PCSK2: variants seen among roughly 807,000 people sequenced by gnomAD.
PCSK2 encodes neuroendocrine convertase 2.
Under a neutral mutation model 69.7 loss-of-function variants are expected in PCSK2, and 14 were observed. The observed-to-expected ratio is 0.20, with a 90% CI of 0.13 to 0.31. The LOEUF (loss-of-function observed/expected upper bound fraction) is 0.31, where lower values mean the gene tolerates loss of function less well. PCSK2 is among the 10% of genes least tolerant of loss of function. PCSK2 has a pLI of 1.00. For missense variants in PCSK2, 544 were observed against 842.5 expected, an observed-to-expected ratio of 0.65 and a Z score of 4.39; for synonymous variants, 307 against 320.7, an observed-to-expected ratio of 0.96 and a Z score of 0.46.
At chr20:17,255,770 T>C (rs1331199242) in intron 1 of PCSK2, among the ~76,000 whole-genome samples, 2 of 152,228 alleles carry the variant, frequency 1.3e-5, no homozygotes, top group Non-Finnish European at 2.9e-5. Flanking sequence ...TAGTAATTGA[T>C]TTTCAGATGT....
intron 1 of PCSK2, among the ~76,000 whole-genome samples, chr20:17,227,776 G>A (rs1056005362): frequency 2.6e-5 from 4 of 152,300 alleles, no homozygotes; most frequent in South Asian, 2.1e-4. Flanking sequence ...TGCTGTCCGA[G>A]GTACCAAGTT....
At chr20:17,452,081 TGTTG>T (rs2032834876) in intron 8 of PCSK2, among the ~76,000 whole-genome samples, 1 of 152,090 alleles carries the variant, frequency 6.6e-6, no homozygotes, top group African/African-American at 2.4e-5. Flanking sequence ...GGTTTCACCA[TGTTG>T]GCCAGGCTGG....
chr20:17,297,550 C>T (rs960227633), intron 2 of PCSK2, among the ~76,000 whole-genome samples: 6 of 152,220 alleles, frequency 3.9e-5, no homozygotes, highest in African/African-American at 1.4e-4. Flanking sequence ...AGGAGGGGCT[C>T]AGGGGGTTGC....
At chr20:17,347,800 G>GAAAGAAAGA (rs1990691822) in intron 2 of PCSK2, among the ~76,000 whole-genome samples, 1 of 68,820 alleles carries the variant, frequency 1.5e-5, no homozygotes, top group South Asian at 5.1e-4. Context: ...AAGAAAGAAA[G>GAAAGAAAGA]AAAGAAAGAA....
rs1555790633 is a variant in PCSK2, at chr20:17,355,672, C to CAG, written c.283-2654_283-2653insGA. ...GCAAACACACACACACACACACACA[C>CAG]ACAGAGAGAGAGCTATGGGAATATG... On this transcript the variant is annotated intron_variant, in intron 2 of 11. Coordinates refer to ENST00000262545, the MANE Select transcript of PCSK2 (RefSeq NM_002594.5). Among the ~76,000 whole-genome samples the CAG allele has an allele frequency of 1.4e-3, 207 of 151,746 alleles. 3 individuals carry two copies. The East Asian group carries it at 0.033, about 25-fold the overall frequency.
At chr20:17,443,383 T>G (rs2032635591) in intron 8 of PCSK2, among the ~76,000 whole-genome samples, 1 of 152,172 alleles carries the variant, frequency 6.6e-6, no homozygotes, top group Admixed American at 6.5e-5. Context: ...ATGCCTGGTC[T>G]CCTTAAGAAG....
intron 2 of PCSK2, among the ~76,000 whole-genome samples, chr20:17,301,008 A>T (rs1391234708): frequency 6.6e-6 from 1 of 152,244 alleles, no homozygotes; most frequent in East Asian, 1.9e-4. Context: ...GGATGAAAAG[A>T]AACTTAATGA....
chr20:17,232,507 G>T (rs1423890620), intron 1 of PCSK2, among the ~76,000 whole-genome samples: 4 of 152,124 alleles, frequency 2.6e-5, no homozygotes, highest in African/African-American at 9.7e-5. Flanking sequence ...CAGATGCTTT[G>T]TCCTGAAAAG....
At chr20:17,373,625 T>C (rs947446432) in intron 5 of PCSK2, among the ~76,000 whole-genome samples, 5 of 152,188 alleles carry the variant, frequency 3.3e-5, no homozygotes, top group Non-Finnish European at 5.9e-5. Context: ...TCAGTGAGGA[T>C]TGAAAACTCT....
intron 2 of PCSK2, among the ~76,000 whole-genome samples, chr20:17,303,813 G>A (rs1226644648): frequency 4.0e-5 from 6 of 148,526 alleles, no homozygotes; most frequent in Non-Finnish European, 7.4e-5. Context: ...CTGACCTCAG[G>A]TGATCCACCC....
intron 8 of PCSK2, among the ~76,000 whole-genome samples, chr20:17,444,651 A>G (rs1271009649): frequency 6.6e-6 from 1 of 152,198 alleles, no homozygotes; most frequent in Non-Finnish European, 1.5e-5. Context: ...CAAGTAGTTT[A>G]TTGGGAAGGT....
chr20:17,283,487 A>G (rs1988395778), intron 2 of PCSK2, among the ~76,000 whole-genome samples: 1 of 152,210 alleles, frequency 6.6e-6, no homozygotes, highest in South Asian at 2.1e-4. Context: ...TCCAGAAGGA[A>G]CTGTCGAATT....
At chr20:17,402,679 G>T (rs974043880) in intron 5 of PCSK2, among the ~76,000 whole-genome samples, 1 of 131,398 alleles carries the variant, frequency 7.6e-6, no homozygotes, top group Non-Finnish European at 1.6e-5. Context: ...AAAAAAAAAG[G>T]CATGGTGGCT....
intron 5 of PCSK2, among the ~76,000 whole-genome samples, chr20:17,389,394 G>C (rs1277510143): frequency 6.6e-6 from 1 of 152,178 alleles, no homozygotes; most frequent in African/African-American, 2.4e-5. Flanking sequence ...ATATGATATA[G>C]AGTATATGTC....
chr20:17,230,781 A>G (rs1448197372), intron 1 of PCSK2, among the ~76,000 whole-genome samples: 2 of 152,174 alleles, frequency 1.3e-5, no homozygotes, highest in African/African-American at 4.8e-5. Context: ...TTGTTTGTCA[A>G]TTATTTGATT....
intron 1 of PCSK2, among the ~76,000 whole-genome samples, chr20:17,243,479 C>A (rs1213835003): frequency 6.6e-6 from 1 of 152,242 alleles, no homozygotes; most frequent in Non-Finnish European, 1.5e-5. Flanking sequence ...GAATTACAGG[C>A]CACCATACCT....
intron 6 of PCSK2, among the ~76,000 whole-genome samples, chr20:17,421,424 C>T (rs999178397): frequency 5.3e-5 from 8 of 152,144 alleles, no homozygotes; most frequent in Admixed American, 4.6e-4. Context: ...AAGTCTTACC[C>T]TGTAGAGCTC....
At chr20:17,335,427 T>TTGTGTGTG (rs56275148) in intron 2 of PCSK2, among the ~76,000 whole-genome samples, 17,621 of 139,092 alleles carry the variant, frequency 0.13, 1,640 homozygotes, top group East Asian at 0.41. Flanking sequence ...CAGCATCACT[T>TTGTGTGTG]TGTGTGTGTG....
At chr20:17,442,395 T>C (rs13039651) in intron 8 of PCSK2, among the ~76,000 whole-genome samples, 2 of 151,656 alleles carry the variant, frequency 1.3e-5, no homozygotes, top group Admixed American at 6.6e-5. Flanking sequence ...GTGGTCCTTC[T>C]GTAGCAGCCC....
Sources: gnomAD v4.1 joint callset for allele counts (sites outside exome capture counted in the v4.1 genomes callset) on GRCh38, gnomAD v4.1.1 for gene constraint, MANE v1.5 for transcripts, NCBI Gene and HGNC (gene_info 2026-07-23, HGNC 2026-07-21) for gene names.